The following C1orf105 variants were observed in gnomAD, a reference collection of about 807,000 sequenced individuals.
C1orf105 encodes the protein chromosome 1 open reading frame 105.
A neutral mutation model predicts 20.8 loss-of-function variants in C1orf105; 17 were observed. The ratio of observed to expected loss-of-function variants is 0.82; its 90% CI spans 0.56 to 1.23. The LOEUF (loss-of-function observed/expected upper bound fraction) is 1.23, where lower values mean the gene tolerates loss of function less well. Among genes scored for constraint, C1orf105 ranks in the 50% most tolerant of loss-of-function variants. The pLI is 0.00. For missense variants in C1orf105, 219 were observed against 213.5 expected (o/e 1.03, Z -0.16); for synonymous variants, 72 against 72.1 (o/e 1.00, Z 0.01).
At chr1:172,435,493 A>C (rs117503922) in intron 1 of C1orf105, among the ~76,000 whole-genome samples, 23 of 152,334 alleles carry the variant, frequency 1.5e-4, no homozygotes, top group South Asian at 2.1e-4. Flanking sequence ...AACAAAAAAA[A>C]CCACAAAATT....
chr1:172,440,883 T>A (rs1462341654), intron 1 of C1orf105, among the ~76,000 whole-genome samples: 2 of 152,240 alleles, frequency 1.3e-5, no homozygotes, highest in African/African-American at 4.8e-5. Context: ...TGTGAATAGA[T>A]GCAGCACAAT....
intron 4 of C1orf105, among the ~76,000 whole-genome samples, chr1:172,461,911 A>C (rs1225759829): frequency 3.3e-5 from 5 of 152,314 alleles, no homozygotes; most frequent in South Asian, 2.1e-4. Context: ...AGACTTGAAG[A>C]ACATGTGTGT....
At chr1:172,463,516 C>G (rs1649838051) in intron 5 of C1orf105, among the ~76,000 whole-genome samples, 1 of 152,148 alleles carries the variant, frequency 6.6e-6, no homozygotes, top group Non-Finnish European at 1.5e-5. Flanking sequence ...CAAGCTCCAT[C>G]ACTAATAACA....
In C1orf105 at chr1:172,456,173, G is replaced by A. The variant is rs368380977; in HGVS notation, c.199-242G>A. Among the ~76,000 whole-genome samples the A allele has an allele frequency of 2.6e-5, 4 of 152,006 alleles. No individual in the cohort carries two copies. The East Asian group carries it at 5.8e-4, about 22-fold the overall frequency. Reference sequence around the variant, plus strand: ...TACATGTATACCACTGCATGCAGCAGCCTCAAGACCACCACCTAGCCTATG... The same window carrying A: ...TACATGTATACCACTGCATGCAGCAACCTCAAGACCACCACCTAGCCTATG... On this transcript the variant is annotated intron_variant, in intron 3 of 6. Coordinates refer to ENST00000367727, the MANE Select transcript of C1orf105 (RefSeq NM_139240.4).
chr1:172,434,520 A>G (rs139407987), intron 1 of C1orf105, among the ~76,000 whole-genome samples: 4,204 of 152,340 alleles, frequency 0.028, 63 homozygotes, highest in South Asian at 0.056. Flanking sequence ...ACATAACAAA[A>G]TGAAGGCAGA....
chr1:172,468,250 G>T (rs1248256289), intron 6 of C1orf105, among the ~76,000 whole-genome samples, 199 bp from the exon 7 acceptor site: 1 of 152,306 alleles, frequency 6.6e-6, no homozygotes. Flanking sequence ...TTCATTAAAA[G>T]AAATTCTTAG....
At chr1:172,420,972 T>C in intron 1 of C1orf105, 66 bp downstream of exon 1, 1 of 1,440,916 alleles carries the variant, frequency 6.9e-7, no homozygotes, top group African/African-American at 1.4e-5. Flanking sequence ...AATGTTTGTA[T>C]GCCTTGGAGG....
chr1:172,431,532 T>C (rs1220260243), intron 1 of C1orf105, among the ~76,000 whole-genome samples: 2 of 152,192 alleles, frequency 1.3e-5, no homozygotes, highest in Non-Finnish European at 2.9e-5. Context: ...CTCTGTAACA[T>C]AAAAGTGCAC....
intron 5 of C1orf105, among the ~76,000 whole-genome samples, chr1:172,464,744 G>C (rs1197535040): frequency 6.6e-6 from 1 of 151,504 alleles, no homozygotes; most frequent in African/African-American, 2.4e-5. Flanking sequence ...TCAAAATGAA[G>C]GTTTTATCAA....
chr1:172,458,380 C>T (rs1347532758), intron 4 of C1orf105, among the ~76,000 whole-genome samples: 5 of 152,090 alleles, frequency 3.3e-5, no homozygotes, highest in African/African-American at 4.8e-5. Flanking sequence ...GTTGAGGATA[C>T]AAGATCAGTA....
chr1:172,420,882 A>T lies in C1orf105; in HGVS notation c.-4A>T. On this transcript the variant is annotated 5_prime_UTR_variant, in exon 1 of 7. Coordinates refer to ENST00000367727, the MANE Select transcript of C1orf105 (RefSeq NM_139240.4). The stretch of plus-strand genomic sequence containing the variant: ...AAAACTCAGAACATCTAAAGATCTG[A>T]AAGATGGAAAAAAGAGAACTAAAGG... The T allele has an allele frequency of 6.2e-7, 1 of 1,611,944 alleles. No individual in the cohort carries two copies. Among genetic ancestry groups the T allele is most frequent in the Non-Finnish European group, 8.5e-7 (1 of 1,178,254 alleles).
At chr1:172,460,860 A>T (rs1649641694) in intron 4 of C1orf105, among the ~76,000 whole-genome samples, 1 of 152,150 alleles carries the variant, frequency 6.6e-6, no homozygotes, top group African/African-American at 2.4e-5. Flanking sequence ...CCCACAGTAC[A>T]CTTTTTCTCA....
chr1:172,433,723 AC>A (rs1454988822), intron 1 of C1orf105, among the ~76,000 whole-genome samples: 1 of 152,250 alleles, frequency 6.6e-6, no homozygotes, highest in Non-Finnish European at 1.5e-5. Flanking sequence ...AGCTAACATC[AC>A]AATTGCAGGA....
intron 4 of C1orf105, among the ~76,000 whole-genome samples, chr1:172,457,058 A>C (rs114545396): frequency 0.023 from 3,541 of 152,238 alleles, 120 homozygotes; most frequent in African/African-American, 0.08. Flanking sequence ...AGCAAGGGAG[A>C]TGTGGAGGGA....
At chr1:172,429,350 C>T (rs942937693) in intron 1 of C1orf105, among the ~76,000 whole-genome samples, 3 of 152,186 alleles carry the variant, frequency 2.0e-5, no homozygotes, top group African/African-American at 7.2e-5. Context: ...TATCAAACCC[C>T]AGTATGCTAT....
chr1:172,432,652 A>G (rs2071907890), intron 1 of C1orf105, among the ~76,000 whole-genome samples: 1 of 152,260 alleles, frequency 6.6e-6, no homozygotes, highest in Non-Finnish European at 1.5e-5. Context: ...AACCACAAAG[A>G]TGGGGAGAAA....
At chr1:172,441,394 T>A in intron 1 of C1orf105, 1 of 192,174 alleles carries the variant, frequency 5.2e-6, no homozygotes, top group Non-Finnish European at 1.1e-5. Flanking sequence ...CACACACACT[T>A]ACTTCACTCT....
intron 1 of C1orf105, among the ~76,000 whole-genome samples, chr1:172,423,223 T>A (rs894543807): frequency 8.5e-5 from 13 of 152,318 alleles, no homozygotes; most frequent in African/African-American, 3.1e-4. Flanking sequence ...GCAGTCCCAG[T>A]AGTGGTGGCC....
At position 172,468,536 on chromosome 1, in the gene C1orf105, A is replaced by G; in HGVS notation, c.494A>G (p.Glu165Gly). The change falls in exon 7 of 7, where the codon GAG becomes GGG. Residue 165 changes from glutamate (E) to glycine (G), a missense_variant. Physicochemically the swap from Glu to Gly is moderately conservative, Grantham distance 98. Transcript: ENST00000367727. Reference sequence around the variant, plus strand: ...ACAGAGGCCTACAAAACTCTAAAAGAGAGACAACGTTCTTCCTTGCCCAGA... The same window carrying G: ...ACAGAGGCCTACAAAACTCTAAAAGGGAGACAACGTTCTTCCTTGCCCAGA... ...LLTEAYKTLK[E>G]RQRSSLPRKE... 2 of 1,614,074 alleles carry G rather than the reference A, an allele frequency of 1.2e-6. No homozygotes were observed. Among genetic ancestry groups the G allele is most frequent in the Non-Finnish European group, 1.7e-6 (2 of 1,179,948 alleles).
Sources: allele counts gnomAD v4.1 joint callset (sites outside exome capture counted in the v4.1 genomes callset), GRCh38; gene constraint gnomAD v4.1.1; transcripts MANE v1.5; gene names NCBI Gene and HGNC (gene_info 2026-07-23, HGNC 2026-07-21).